The following PECAM1 variants were observed in gnomAD, a reference collection of about 807,000 sequenced individuals.
The protein encoded by PECAM1 is platelet and endothelial cell adhesion molecule 1, also known as platelet endothelial cell adhesion molecule.
Under a neutral mutation model 13.8 loss-of-function variants are expected in PECAM1, and 8 were observed. That is an observed-to-expected ratio of 0.58 (90% CI 0.34 to 1.05). The LOEUF (loss-of-function observed/expected upper bound fraction) is 1.05, where lower values mean the gene tolerates loss of function less well. PECAM1 is among the 50% of genes least tolerant of loss of function. The pLI is 0.03. For synonymous variants in PECAM1, 136 were observed against 52.6 expected (o/e 2.58, Z -6.86); for missense variants, 304 against 141.2 (o/e 2.15, Z -5.84).
At position 64,363,231 on chromosome 17, in the gene PECAM1, C is replaced by A. The variant is rs2143821242; in HGVS notation, c.1134G>T (p.Lys378Asn). 1 of 475,446 alleles carries A rather than the reference C, an allele frequency of 2.1e-6. No homozygotes were observed. The highest frequency in any genetic ancestry group is 3.9e-6 in the Non-Finnish European group (1 of 259,080). The allele number at this position is 475,446 out of a possible 1,614,324, so 29.5% of individuals were successfully genotyped here. ...TGCAGATATACGTCCCACTGTCCGA[C>A]TTTGAGGCTATCTTGGTGAAATCTT... is the stretch of plus-strand genomic sequence containing the variant. Reference protein sequence around the residue: ...QTQDFTKIASKSDSGTYICTA... With the variant: ...QTQDFTKIASNSDSGTYICTA... Residue 378 changes from lysine to asparagine, a missense_variant, in exon 6 of 16, where the codon AAG (lysine) becomes AAT (asparagine). By Grantham distance (94) the Lys-to-Asn change is moderately conservative. Transcript: ENST00000563924.
At chr17:64,329,372 C>T (rs2035043614) in intron 15 of PECAM1, among the ~76,000 whole-genome samples, 1 of 152,082 alleles carries the variant, frequency 6.6e-6, no homozygotes, top group African/African-American at 2.4e-5. Flanking sequence ...CTGCTCCACT[C>T]CTCCAAGCAT....
At chr17:64,384,899 A>G (rs2143908077) in intron 2 of PECAM1, among the ~76,000 whole-genome samples, 1 of 152,372 alleles carries the variant, frequency 6.6e-6, no homozygotes, top group East Asian at 1.9e-4. Context: ...TTTTGATAAT[A>G]TGGAAAACAT....
At chr17:64,329,749 T>C (rs966701547) in intron 14 of PECAM1, 27 bp from the exon 15 acceptor site, 1 of 764,730 alleles carries the variant, frequency 1.3e-6, no homozygotes, top group Admixed American at 1.8e-5. Flanking sequence ...GACATGGCAG[T>C]GAGCAACGCA....
chr17:64,347,535 GA>G (rs1290671032), intron 13 of PECAM1, among the ~76,000 whole-genome samples: 825 of 59,008 alleles, frequency 0.014, 5 homozygotes, highest in African/African-American at 0.057. Context: ...TCTCAACAAA[GA>G]AAAAAAAAAT....
intron 14 of PECAM1, among the ~76,000 whole-genome samples, chr17:64,333,858 G>A (rs2035193568): frequency 6.7e-6 from 1 of 149,548 alleles, no homozygotes; most frequent in African/African-American, 2.5e-5. Flanking sequence ...TGAGTCAGAG[G>A]GGCCTGCCTG....
intron 14 of PECAM1, among the ~76,000 whole-genome samples, chr17:64,331,253 G>T (rs1307162375): frequency 6.6e-6 from 1 of 150,798 alleles, no homozygotes; most frequent in African/African-American, 2.4e-5. Context: ...CTGGAGTGCA[G>T]TGGCTCACTG....
chr17:64,376,316 A>C (rs2036357542), intron 3 of PECAM1, among the ~76,000 whole-genome samples: 1 of 151,418 alleles, frequency 6.6e-6, no homozygotes, highest in South Asian at 2.1e-4. Context: ...AAATAAATAA[A>C]TAAATAAATA....
intron 5 of PECAM1, among the ~76,000 whole-genome samples, chr17:64,363,751 G>C (rs1198096528): frequency 6.6e-6 from 1 of 152,084 alleles, no homozygotes; most frequent in African/African-American, 2.4e-5. Context: ...GTTGAGACCA[G>C]CCTGGGCAAC....
intron 13 of PECAM1, among the ~76,000 whole-genome samples, chr17:64,341,909 G>A (rs1314757415): frequency 6.6e-6 from 1 of 152,066 alleles, no homozygotes; most frequent in Non-Finnish European, 1.5e-5. Flanking sequence ...CAGCACTTTG[G>A]GAGGGTGAGG....
At chr17:64,356,488 C>G in intron 7 of PECAM1, 90 bp from the exon 8 acceptor site, 1 of 406,602 alleles carries the variant, frequency 2.5e-6, no homozygotes, top group East Asian at 3.6e-5. Flanking sequence ...TTTTTTTTTC[C>G]TCTGAGACAG....
In PECAM1 at chr17:64,322,840, T is replaced by G; in HGVS notation, c.*976A>C. 1 of 364,172 alleles carries G rather than the reference T, an allele frequency of 2.7e-6. No individual in the cohort carries two copies. The highest frequency in any genetic ancestry group is 3.8e-6 in the Non-Finnish European group (1 of 262,206). 22.6% of individuals were successfully genotyped at this position (364,172 alleles called of 1,614,324 possible). Reference sequence around the variant, plus strand: ...AAGCGATAATCTCACCTCAGCCTCTTGAGTAGCTGATACTACAGGCATGCG... The same window carrying G: ...AAGCGATAATCTCACCTCAGCCTCTGGAGTAGCTGATACTACAGGCATGCG... On this transcript the variant is annotated 3_prime_UTR_variant, in exon 16 of 16. Coordinates refer to ENST00000563924, the MANE Select transcript of PECAM1 (RefSeq NM_000442.5).
chr17:64,357,245 A>G (rs1355571586), intron 7 of PECAM1, among the ~76,000 whole-genome samples: 1 of 151,904 alleles, frequency 6.6e-6, no homozygotes. Context: ...TTCCATCCCC[A>G]TTCTCCTCCT....
At chr17:64,378,236 G>T (rs1211426816) in intron 2 of PECAM1, 119 bp from the exon 3 acceptor site, 7 of 398,932 alleles carry the variant, frequency 1.8e-5, no homozygotes, top group Middle Eastern at 6.3e-4. Context: ...GAGTCCAGGG[G>T]TTCTACGTGC....
chr17:64,343,169 C>T (rs1201237135), intron 13 of PECAM1, among the ~76,000 whole-genome samples: 1 of 152,074 alleles, frequency 6.6e-6, no homozygotes, highest in Non-Finnish European at 1.5e-5. Flanking sequence ...AGTGCATTTC[C>T]CTCCTCGGAG....
chr17:64,365,811 C>T (rs1294589128), intron 5 of PECAM1, among the ~76,000 whole-genome samples: 2 of 151,332 alleles, frequency 1.3e-5, no homozygotes, highest in African/African-American at 2.4e-5. Flanking sequence ...ACACCTTATA[C>T]AAAAATTAAT....
chr17:64,387,077 A>G (rs914355272), intron 2 of PECAM1, among the ~76,000 whole-genome samples: 2 of 152,192 alleles, frequency 1.3e-5, no homozygotes, highest in African/African-American at 4.8e-5. Flanking sequence ...AAAGTCAGCC[A>G]TGGGGGAGAA....
intron 14 of PECAM1, among the ~76,000 whole-genome samples, chr17:64,335,141 T>C (rs1157210486): frequency 6.6e-6 from 1 of 152,086 alleles, no homozygotes; most frequent in Non-Finnish European, 1.5e-5. Flanking sequence ...CTATTGATGT[T>C]TTAATAAAGC....
intron 15 of PECAM1, among the ~76,000 whole-genome samples, chr17:64,326,726 AG>A (rs1425456750): frequency 6.6e-6 from 1 of 152,214 alleles, no homozygotes; most frequent in Non-Finnish European, 1.5e-5. Context: ...ACAGGGCCTT[AG>A]GGATTTTGAA....
rs909194464 is a variant in PECAM1, at chr17:64,389,159, C to G, written c.91+1330G>C. ...CCCTCCCCAGCCTGGGGCCACTGCT[C>G]CGAGGCTTGACTCACCAGCTAGCCT... On this transcript the variant is annotated intron_variant, in intron 2 of 15. Transcript: ENST00000563924. 6.4e-4 allele frequency among the ~76,000 whole-genome samples: 97 copies of G among 152,324 alleles called. 1 individual carries two copies. Among genetic ancestry groups the G allele is most frequent in the African/African-American group, 2.3e-3 (96 of 41,580 alleles).
Sources: gnomAD v4.1 joint callset for allele counts (sites outside exome capture counted in the v4.1 genomes callset) on GRCh38, gnomAD v4.1.1 for gene constraint, MANE v1.5 for transcripts, NCBI Gene and HGNC (gene_info 2026-07-23, HGNC 2026-07-21) for gene names.